PRKCE: variants seen among roughly 807,000 people sequenced by gnomAD.
The protein encoded by PRKCE is protein kinase C epsilon type.
In PRKCE, 16 loss-of-function variants were observed where a neutral mutation model predicts 85.4. That is an observed-to-expected ratio of 0.19 (90% CI 0.13 to 0.28). The LOEUF is 0.28. Ranked by LOEUF, PRKCE falls within the 10% of genes least tolerant of loss-of-function variation. The probability of loss-of-function intolerance (pLI) is 1.00; values close to 1 mark genes in which losing one functional copy is unlikely to be tolerated. For missense variants in PRKCE, 573 were observed against 975.2 expected, an observed-to-expected ratio of 0.59 and a Z score of 5.49; for synonymous variants, 388 against 371.5, an observed-to-expected ratio of 1.04 and a Z score of -0.51.
At chr2:46,114,809 T>C (rs1417046551) in intron 11 of PRKCE, among the ~76,000 whole-genome samples, 1 of 152,172 alleles carries the variant, frequency 6.6e-6, no homozygotes, top group African/African-American at 2.4e-5. Flanking sequence ...AATTCTAATA[T>C]ACTGATGTGA....
Position 45,915,149 on chromosome 2 carries a change from A to C in PRKCE, c.413-61280A>C, listed in dbSNP as rs554308124. Reference sequence around the variant, plus strand: ...GGTGATCTGCCCACCTTGGCCTCCCAAAGTGCTGGGATTACAGGCGTGAGC... The same window carrying C: ...GGTGATCTGCCCACCTTGGCCTCCCCAAGTGCTGGGATTACAGGCGTGAGC... On this transcript the variant is annotated intron_variant, in intron 2 of 14. Transcript: ENST00000306156. Among the ~76,000 whole-genome samples the C allele has an allele frequency of 2.2e-3, 341 of 152,300 alleles. 4 individuals carry two copies. Among genetic ancestry groups the C allele is most frequent in the Non-Finnish European group, 3.5e-4 (24 of 68,020 alleles).
At chr2:45,680,609 G>T (rs1056272190) in intron 1 of PRKCE, among the ~76,000 whole-genome samples, 2 of 152,182 alleles carry the variant, frequency 1.3e-5, no homozygotes, top group Non-Finnish European at 2.9e-5. Context: ...TCTGCCAGTA[G>T]GCTAAAACTC....
rs1263582391 is a variant in PRKCE at position 45,905,040 on chromosome 2, A to G, written c.412+61977A>G. ...ACATCACTTCAGCAGGCACGGTGAC[A>G]CACAGGACTCACTGGATGCTACGGT... is the stretch of plus-strand genomic sequence containing the variant. On this transcript the variant is annotated intron_variant, in intron 2 of 14. Transcript: ENST00000306156. This position sits in a 1 kb window ranked among gnomAD's most constrained non-coding sequence, Gnocchi z 4.4. 6.6e-6 allele frequency among the ~76,000 whole-genome samples: 1 copy of G among 152,228 alleles called. No individual in the cohort carries two copies. The highest frequency in any genetic ancestry group is 1.5e-5 in the Non-Finnish European group (1 of 68,024).
chr2:45,911,287 TC>T (rs1421027278), intron 2 of PRKCE, among the ~76,000 whole-genome samples: 4 of 152,314 alleles, frequency 2.6e-5, no homozygotes, highest in African/African-American at 9.6e-5. Context: ...TGCACAACCT[TC>T]CCTACCTTTC....
chr2:45,651,419 C>A (rs1675115256), upstream of PRKCE: 1 of 151,916 alleles, frequency 6.6e-6, no homozygotes, highest in African/African-American at 2.4e-5. Flanking sequence ...CCGGCTCCGG[C>A]GCGGCGCTGC....
At chr2:45,843,298 A>C (rs1210046399) in intron 2 of PRKCE, among the ~76,000 whole-genome samples, 1 of 152,266 alleles carries the variant, frequency 6.6e-6, no homozygotes, top group African/African-American at 2.4e-5. Flanking sequence ...AGGCCAATAA[A>C]ACGGGCGTTT....
chr2:46,058,137 C>T (rs1205323848), intron 10 of PRKCE, among the ~76,000 whole-genome samples: 1 of 152,238 alleles, frequency 6.6e-6, no homozygotes, highest in Non-Finnish European at 1.5e-5. Flanking sequence ...CCATCTAGTT[C>T]TGTTCCCATT....
chr2:45,725,645 A>C (rs1288995233), intron 1 of PRKCE, among the ~76,000 whole-genome samples: 2 of 152,170 alleles, frequency 1.3e-5, no homozygotes, highest in South Asian at 2.1e-4. Context: ...ATCCTGGCCA[A>C]CATGGTGAAA....
rs114744322 is a variant in PRKCE at position 45,929,120 on chromosome 2, G to A, written c.413-47309G>A. ...CTCTCTTCCCATCCACCCCTCCTCTGGCAGGCTATTTACAGACTTGTCATG... is the reference window on the plus strand; with the variant it reads ...CTCTCTTCCCATCCACCCCTCCTCTAGCAGGCTATTTACAGACTTGTCATG... On this transcript the variant is annotated intron_variant, in intron 2 of 14. Coordinates refer to ENST00000306156, the MANE Select transcript of PRKCE (RefSeq NM_005400.3). 3.9e-3 allele frequency among the ~76,000 whole-genome samples: 601 copies of A among 152,172 alleles called. 17 individuals are homozygous for A. In the East Asian group the frequency reaches 0.069, roughly 18 times the overall value.
rs75176457 is a variant in PRKCE at position 46,184,172 on chromosome 2, G to A, written c.2068-563G>A. On this transcript the variant is annotated intron_variant, in intron 14 of 14. Coordinates refer to ENST00000306156, the MANE Select transcript of PRKCE (RefSeq NM_005400.3). The surrounding 1 kb of genome is among the most constrained non-coding windows in gnomAD (Gnocchi z 5.0). Reference sequence around the variant, plus strand: ...CAAAAGCATAAAAACGTCATTGCAAGTCAATGTGCTGAGTTTAATAATTGA... The same window carrying A: ...CAAAAGCATAAAAACGTCATTGCAAATCAATGTGCTGAGTTTAATAATTGA... Among the ~76,000 whole-genome samples, 133 of 152,300 alleles carry A rather than the reference G, an allele frequency of 8.7e-4. 1 individual carries two copies. The East Asian group carries it at 9.6e-3, about 11-fold the overall frequency.
At chr2:45,876,011 A>G (rs1012671639) in intron 2 of PRKCE, among the ~76,000 whole-genome samples, 2 of 152,202 alleles carry the variant, frequency 1.3e-5, no homozygotes, top group African/African-American at 4.8e-5. Context: ...ATAATCTTCT[A>G]TGGGGGCTAA....
At chr2:45,756,793 C>T (rs1684040075) in intron 1 of PRKCE, among the ~76,000 whole-genome samples, 1 of 152,078 alleles carries the variant, frequency 6.6e-6, no homozygotes, top group South Asian at 2.1e-4. Context: ...GGAAGTAAAA[C>T]AGTGGTTGCC....
intron 1 of PRKCE, among the ~76,000 whole-genome samples, chr2:45,699,750 C>T (rs182916947): frequency 4.6e-4 from 70 of 152,278 alleles, no homozygotes; most frequent in Admixed American, 4.2e-3. Context: ...TAAAGGTATA[C>T]AGTTGGGTCC....
At chr2:45,913,783 A>AGGGAGAG (rs1697552764) in intron 2 of PRKCE, among the ~76,000 whole-genome samples, 4 of 152,298 alleles carry the variant, frequency 2.6e-5, no homozygotes, top group African/African-American at 7.2e-5. Context: ...CCAGGTGTCT[A>AGGGAGAG]GTGTGTAGTC....
At chr2:45,729,361 G>T (rs1243034463) in intron 1 of PRKCE, among the ~76,000 whole-genome samples, 1 of 152,156 alleles carries the variant, frequency 6.6e-6, no homozygotes, top group African/African-American at 2.4e-5. Context: ...TTCTTAGCAG[G>T]GGTCATTGCA....
intron 11 of PRKCE, among the ~76,000 whole-genome samples, chr2:46,103,287 T>C (rs1490878128): frequency 6.6e-6 from 1 of 152,236 alleles, no homozygotes; most frequent in African/African-American, 2.4e-5. Context: ...TCTTACTTTC[T>C]GGTATTACAA....
At chr2:45,695,769 T>TCAAAAACAAAACAGAAACCA (rs2104136941) in intron 1 of PRKCE, among the ~76,000 whole-genome samples, 1 of 152,246 alleles carries the variant, frequency 6.6e-6, no homozygotes, top group Non-Finnish European at 1.5e-5. Context: ...AGACTCCGTC[T>TCAAAAACAAAACAGAAACCA]CAAAAACAAA....
intron 2 of PRKCE, among the ~76,000 whole-genome samples, chr2:45,928,372 A>C (rs1443114462): frequency 6.6e-6 from 1 of 152,182 alleles, no homozygotes; most frequent in East Asian, 1.9e-4. Context: ...GGTTGAAGCA[A>C]TTCTCATGCC....
At chr2:45,945,029 C>A (rs1700150256) in intron 2 of PRKCE, among the ~76,000 whole-genome samples, 2 of 152,070 alleles carry the variant, frequency 1.3e-5, no homozygotes, top group Admixed American at 1.3e-4. Context: ...AACTTCCCCC[C>A]TTCCTGAGCC....
Sources: allele counts gnomAD v4.1 joint callset (sites outside exome capture counted in the v4.1 genomes callset), GRCh38; gene constraint gnomAD v4.1.1; non-coding constraint Gnocchi (gnomAD v3.1); transcripts MANE v1.5; gene names NCBI Gene and HGNC (gene_info 2026-07-23, HGNC 2026-07-21).